Variants in USP34 observed in about 807,000 individuals in gnomAD.
The protein encoded by USP34 is ubiquitin carboxyl-terminal hydrolase 34.
A neutral mutation model predicts 460.3 loss-of-function variants in USP34; 70 were observed. That is an observed-to-expected ratio of 0.15 (90% CI 0.13 to 0.19). The LOEUF (loss-of-function observed/expected upper bound fraction) is 0.19. USP34 is among the 10% of genes least tolerant of loss of function. The probability of loss-of-function intolerance (pLI) is 1.00; values close to 1 mark genes in which losing one functional copy is unlikely to be tolerated. For synonymous variants in USP34, 1,647 were observed against 1,405.3 expected (o/e 1.17, Z -3.85); for missense variants, 3,985 against 4,236.2 (o/e 0.94, Z 1.65).
chr2:61,397,206 G>T (rs1374482330), intron 3 of USP34, among the ~76,000 whole-genome samples: 1 of 152,102 alleles, frequency 6.6e-6, no homozygotes, highest in African/African-American at 2.4e-5. Context: ...ACTTTGGGAG[G>T]CCAAGGTGGG....
At chr2:61,408,966 T>C (rs1472754835) in intron 2 of USP34, among the ~76,000 whole-genome samples, 7 of 152,024 alleles carry the variant, frequency 4.6e-5, no homozygotes, top group Non-Finnish European at 1.0e-4. Context: ...CAGCCTGTAA[T>C]CCCACCACTT....
intron 75 of USP34, among the ~76,000 whole-genome samples, chr2:61,196,208 G>A (rs933945101): frequency 6.8e-6 from 1 of 146,854 alleles, no homozygotes; most frequent in African/African-American, 2.5e-5. Context: ...AGCATCCCAA[G>A]TAGCTGGGAC....
chr2:61,289,293 GCA>G (rs1416170362), intron 33 of USP34, among the ~76,000 whole-genome samples: 1 of 152,008 alleles, frequency 6.6e-6, no homozygotes, highest in Non-Finnish European at 1.5e-5. Context: ...CCAACGAGTG[GCA>G]CAAACTCTTA....
At chr2:61,245,939 G>A (rs1239181585) in intron 50 of USP34, among the ~76,000 whole-genome samples, 1 of 152,138 alleles carries the variant, frequency 6.6e-6, no homozygotes, top group East Asian at 1.9e-4. Context: ...AGAAGTGTGT[G>A]TGGTCCTCCC....
rs75604660 is a variant in USP34 at position 61,228,475 on chromosome 2, T to C, written c.7443+170A>G. Among the ~76,000 whole-genome samples, 1,006 of 152,330 alleles carry C rather than the reference T, an allele frequency of 6.6e-3. 10 individuals carry two copies. Among genetic ancestry groups the C allele is most frequent in the African/African-American group, 0.024 (982 of 41,582 alleles). On this transcript the variant is annotated intron_variant, in intron 61 of 79. Coordinates refer to ENST00000398571, the MANE Select transcript of USP34 (RefSeq NM_014709.4). ...TTACCTAGTTGTTTCTTTCTTGCTA[T>C]ATCCATTAAAATTACATTAAAAACA...
rs905959638 is a variant in USP34, at chr2:61,193,218, CTCT to C, written c.9509-241_9509-239del. On this transcript the variant is annotated intron_variant, in intron 75 of 79. Coordinates refer to ENST00000398571, the MANE Select transcript of USP34 (RefSeq NM_014709.4). ...CTGAAGGATATGGGACTTAAATCAA[CTCT>C]TCTTTTTTGAGTATTAGAACTTTAT... 2.4e-5 allele frequency: 8 copies of C among 332,392 alleles called. 1 individual carries two copies. Among genetic ancestry groups the C allele is most frequent in the South Asian group, 1.3e-4 (2 of 15,290 alleles). The allele number at this position is 332,392 out of a possible 1,614,324, so 20.6% of individuals were successfully genotyped here.
chr2:61,235,993 AT>A (rs1229360133), intron 56 of USP34, 32 bp downstream of exon 56: 1 of 1,599,414 alleles, frequency 6.3e-7, no homozygotes, highest in Non-Finnish European at 8.5e-7. Context: ...AAAAACATAA[AT>A]GACAAAAAAA....
At chr2:61,410,269 C>G (rs112732403) in intron 2 of USP34, among the ~76,000 whole-genome samples, 1 of 152,134 alleles carries the variant, frequency 6.6e-6, no homozygotes, top group Non-Finnish European at 1.5e-5. Context: ...TAGGAGACAG[C>G]GATAGATCAT....
chr2:61,368,284 T>C (rs1281167341), intron 10 of USP34, among the ~76,000 whole-genome samples: 1 of 152,106 alleles, frequency 6.6e-6, no homozygotes, highest in Non-Finnish European at 1.5e-5. Context: ...ACACAAAAAT[T>C]AGCTGGGCGT....
At chr2:61,405,447 T>G (rs1693843532) in intron 3 of USP34, among the ~76,000 whole-genome samples, 1 of 152,122 alleles carries the variant, frequency 6.6e-6, no homozygotes, top group Non-Finnish European at 1.5e-5. Context: ...TAAGCATAGA[T>G]CTATAGCAGT....
chr2:61,441,123 C>T (rs1258295142), intron 1 of USP34, among the ~76,000 whole-genome samples: 1 of 149,146 alleles, frequency 6.7e-6, no homozygotes, highest in African/African-American at 2.5e-5. Context: ...GTGAGAGCCG[C>T]CTCAAAAAAA....
chr2:61,196,020 G>T (rs1357077427), intron 75 of USP34, among the ~76,000 whole-genome samples: 1 of 143,764 alleles, frequency 7.0e-6, no homozygotes, highest in Non-Finnish European at 1.5e-5. Context: ...CGTTCTCCCA[G>T]CTCAGTCTCC....
chr2:61,415,739 C>G (rs77116787), intron 2 of USP34, among the ~76,000 whole-genome samples: 1 of 152,134 alleles, frequency 6.6e-6, no homozygotes, highest in Non-Finnish European at 1.5e-5. Flanking sequence ...TGTTGGTACA[C>G]CAATATCATA....
At chr2:61,420,281 A>T (rs1401355471) in intron 2 of USP34, among the ~76,000 whole-genome samples, 1 of 152,208 alleles carries the variant, frequency 6.6e-6, no homozygotes, top group Admixed American at 6.5e-5. Context: ...CTTTGATTAT[A>T]TTAACATGTT....
Position 61,259,788 on chromosome 2 carries a change from G to T in USP34, c.5779-12C>A. On this transcript the variant is annotated splice_polypyrimidine_tract_variant and intron_variant, in intron 43 of 79. Transcript: ENST00000398571. ...ATATCCTCTGAATACTGAAAATCAAGAGAAAACACCATTAAAAACACAGAC... is the reference window on the plus strand; with the variant it reads ...ATATCCTCTGAATACTGAAAATCAATAGAAAACACCATTAAAAACACAGAC... The T allele has an allele frequency of 6.2e-7, 1 of 1,611,472 alleles. No homozygotes were observed.
At chr2:61,285,754 A>G (rs1689670926) in intron 34 of USP34, among the ~76,000 whole-genome samples, 1 of 152,216 alleles carries the variant, frequency 6.6e-6, no homozygotes, top group South Asian at 2.1e-4. Flanking sequence ...AGAATTAAAA[A>G]GCAATATAAT....
At chr2:61,277,224 A>C (rs1290601306) in intron 41 of USP34, among the ~76,000 whole-genome samples, 1 of 150,068 alleles carries the variant, frequency 6.7e-6, no homozygotes, top group East Asian at 2.0e-4. Flanking sequence ...CACACTGATA[A>C]AATATAGGTT....
intron 34 of USP34, among the ~76,000 whole-genome samples, chr2:61,286,736 CCTATGA>C (rs1689701470): frequency 6.6e-6 from 1 of 152,132 alleles, no homozygotes. Flanking sequence ...AGAGTAGTCA[CCTATGA>C]CTAGGGAAAA....
intron 27 of USP34, 66 bp downstream of exon 27, chr2:61,311,474 G>GAAAGAAAAAGAAAAAAAAGAC (rs1182665568): frequency 3.5e-6 from 5 of 1,427,626 alleles, no homozygotes; most frequent in African/African-American, 1.5e-5. Flanking sequence ...GGAGAAAAGA[G>GAAAGAAAAAGAAAAAAAAGAC]AAAGAGAAAG....
Sources: allele counts gnomAD v4.1 joint callset (sites outside exome capture counted in the v4.1 genomes callset), GRCh38; gene constraint gnomAD v4.1.1; transcripts MANE v1.5; gene names NCBI Gene and HGNC (gene_info 2026-07-23, HGNC 2026-07-21).